The following SYT16 variants were observed in gnomAD, a reference collection of about 807,000 sequenced individuals.
SYT16 encodes the protein synaptotagmin 16.
SYT16 carries 42 observed loss-of-function variants against 61.4 expected under a neutral mutation model. The ratio of observed to expected loss-of-function variants is 0.68; its 90% CI spans 0.53 to 0.89. SYT16 has a LOEUF of 0.89. Among genes scored for constraint, SYT16 ranks in the 40% least tolerant of loss-of-function variants. The pLI is 0.00. For synonymous variants in SYT16, 314 were observed against 302.3 expected, an observed-to-expected ratio of 1.04 and a Z score of -0.40; for missense variants, 804 against 807.3, an observed-to-expected ratio of 1.00 and a Z score of 0.05.
intron 1 of SYT16, among the ~76,000 whole-genome samples, chr14:61,893,950 G>T (rs1247888712): frequency 6.6e-6 from 1 of 152,210 alleles, no homozygotes; most frequent in Non-Finnish European, 1.5e-5. Context: ...AAACCTGGCA[G>T]TCTAAGGAGA....
intron 1 of SYT16, among the ~76,000 whole-genome samples, chr14:61,833,384 C>T (rs2046005637): frequency 1.3e-5 from 2 of 151,630 alleles, no homozygotes; most frequent in Admixed American, 6.6e-5. Context: ...CCTCTGCCTC[C>T]CGGGTTCAAG....
At chr14:61,953,643 T>C (rs1041471557) in intron 1 of SYT16, among the ~76,000 whole-genome samples, 1 of 152,216 alleles carries the variant, frequency 6.6e-6, no homozygotes, top group African/African-American at 2.4e-5. Context: ...TTACTGCTGC[T>C]GAAATTGCCT....
chr14:61,911,355 T>G (rs578223960), intron 1 of SYT16, among the ~76,000 whole-genome samples: 1 of 152,288 alleles, frequency 6.6e-6, no homozygotes, highest in East Asian at 1.9e-4. Context: ...TTAAGTATTT[T>G]CTGTCTAAAG....
Position 61,835,403 on chromosome 14 carries a change from C to T in SYT16, c.-325+22593C>T, listed in dbSNP as rs57145759. ...CCTCCCAAGTAACTGGGATTACAGG[C>T]GCCTGCCACCATGCCCAGCTAATTT... is the stretch of plus-strand genomic sequence containing the variant. On this transcript the variant is annotated intron_variant, in intron 1 of 7. Transcript: ENST00000683842. Among the ~76,000 whole-genome samples, 822 of 151,738 alleles carry T rather than the reference C, an allele frequency of 5.4e-3. 5 individuals are homozygous for T. Among genetic ancestry groups the T allele is most frequent in the African/African-American group, 0.018 (764 of 41,390 alleles).
chr14:61,830,464 G>T (rs1448777894), intron 1 of SYT16, among the ~76,000 whole-genome samples: 3 of 152,170 alleles, frequency 2.0e-5, no homozygotes, highest in African/African-American at 7.2e-5. Context: ...GCTCTATATA[G>T]AGTGTTATCC....
intron 1 of SYT16, among the ~76,000 whole-genome samples, chr14:61,965,550 A>C (rs1487304603): frequency 6.6e-6 from 1 of 152,160 alleles, no homozygotes. Flanking sequence ...ACCTGAAAGC[A>C]TGGAGAAAGA....
intron 1 of SYT16, among the ~76,000 whole-genome samples, chr14:61,887,535 T>C (rs2047957399): frequency 6.6e-6 from 1 of 152,250 alleles, no homozygotes; most frequent in Non-Finnish European, 1.5e-5. Flanking sequence ...TTTGTGTACA[T>C]GGAAAATCTG....
chr14:61,848,848 A>C (rs557258359), intron 1 of SYT16, among the ~76,000 whole-genome samples: 2 of 151,992 alleles, frequency 1.3e-5, no homozygotes, highest in South Asian at 2.1e-4. Flanking sequence ...AGCCCCCTTT[A>C]CCTTTCCCTC....
intron 1 of SYT16, among the ~76,000 whole-genome samples, chr14:61,959,410 T>C (rs1443036427): frequency 1.3e-5 from 2 of 152,152 alleles, no homozygotes; most frequent in Non-Finnish European, 2.9e-5. Flanking sequence ...TTTTTTATCT[T>C]GTGTGCATCT....
intron 7 of SYT16, among the ~76,000 whole-genome samples, chr14:62,086,698 A>C (rs762941556): frequency 1.3e-5 from 2 of 152,258 alleles, no homozygotes; most frequent in African/African-American, 2.4e-5. Flanking sequence ...TTCCTGTAAC[A>C]AATATTTAAA....
chr14:61,911,584 C>G (rs1314160435), intron 1 of SYT16, among the ~76,000 whole-genome samples: 1 of 152,150 alleles, frequency 6.6e-6, no homozygotes, highest in Non-Finnish European at 1.5e-5. Context: ...GGAGCTATGT[C>G]CTATGTGTTT....
At chr14:61,832,376 G>A (rs915357816) in intron 1 of SYT16, 9 of 552,338 alleles carry the variant, frequency 1.6e-5, no homozygotes, top group African/African-American at 5.7e-5. Flanking sequence ...ACATTCTGCC[G>A]CAGCTGCCCC....
intron 3 of SYT16, among the ~76,000 whole-genome samples, chr14:62,011,249 C>T (rs75599057): frequency 0.051 from 7,808 of 152,092 alleles, 244 homozygotes; most frequent in African/African-American, 0.079. Context: ...CTTTGGGACC[C>T]AGTTTCTCCC....
intron 1 of SYT16, among the ~76,000 whole-genome samples, chr14:61,833,610 G>A (rs1480774283): frequency 6.6e-6 from 1 of 150,412 alleles, no homozygotes; most frequent in Non-Finnish European, 1.5e-5. Flanking sequence ...AGTAGAGACA[G>A]AGTTTTGCCA....
intron 1 of SYT16, among the ~76,000 whole-genome samples, chr14:61,884,305 A>G (rs1030050233): frequency 1.3e-5 from 2 of 152,220 alleles, no homozygotes; most frequent in African/African-American, 4.8e-5. Context: ...TCTTGTAAAA[A>G]CATAAAAAAG....
chr14:61,821,432 G>A (rs74375411), intron 1 of SYT16, among the ~76,000 whole-genome samples: 8,257 of 152,266 alleles, frequency 0.054, 420 homozygotes, highest in African/African-American at 0.13. Flanking sequence ...TAGGTCAGGA[G>A]TTTGCTGGCT....
At chr14:61,937,189 T>C (rs953438731) in intron 1 of SYT16, among the ~76,000 whole-genome samples, 7 of 152,256 alleles carry the variant, frequency 4.6e-5, no homozygotes, top group Non-Finnish European at 1.0e-4. Context: ...TGATTTTGCT[T>C]TGAAGCAGTA....
At chr14:61,908,826 T>G (rs894596543) in intron 1 of SYT16, among the ~76,000 whole-genome samples, 1 of 152,166 alleles carries the variant, frequency 6.6e-6, no homozygotes, top group Admixed American at 6.5e-5. Context: ...TCTTCCTTTC[T>G]TTCCTTTCTT....
chr14:61,820,469 GTTTT>G (rs71117856), intron 1 of SYT16, among the ~76,000 whole-genome samples: 15 of 61,088 alleles, frequency 2.5e-4, no homozygotes, highest in African/African-American at 9.7e-4. Flanking sequence ...CCTCTTCAGA[GTTTT>G]TTTTTTTTTT....
Sources: gnomAD v4.1 joint callset for allele counts (sites outside exome capture counted in the v4.1 genomes callset) on GRCh38, gnomAD v4.1.1 for gene constraint, MANE v1.5 for transcripts, NCBI Gene and HGNC (gene_info 2026-07-23, HGNC 2026-07-21) for gene names.